LRRC3B: variants seen among roughly 807,000 people sequenced by gnomAD.
LRRC3B encodes leucine rich repeat containing 3B.
Under a neutral mutation model 12.8 loss-of-function variants are expected in LRRC3B, and 2 were observed. The ratio of observed to expected loss-of-function variants is 0.16; its 90% CI spans 0.06 to 0.49. LRRC3B has a LOEUF of 0.49. LRRC3B is among the 20% of genes least tolerant of loss of function. The pLI, the probability that LRRC3B is intolerant of heterozygous loss-of-function variation, is 0.96. For synonymous variants in LRRC3B, 132 were observed against 122.0 expected, an observed-to-expected ratio of 1.08 and a Z score of -0.54; for missense variants, 189 against 319.4, an observed-to-expected ratio of 0.59 and a Z score of 3.11.
intron 1 of LRRC3B, among the ~76,000 whole-genome samples, chr3:26,658,809 G>A (rs1198190076): frequency 6.6e-6 from 1 of 151,502 alleles, no homozygotes; most frequent in Non-Finnish European, 1.5e-5. Context: ...GTCTAAGATT[G>A]CATCTACACT....
intron 1 of LRRC3B, among the ~76,000 whole-genome samples, chr3:26,645,552 C>A (rs1699124636): frequency 1.3e-5 from 2 of 151,272 alleles, no homozygotes; most frequent in African/African-American, 2.4e-5. Context: ...ATATCTATAT[C>A]TATATATATA....
At chr3:26,642,833 A>G (rs1699059510) in intron 1 of LRRC3B, among the ~76,000 whole-genome samples, 2 of 152,122 alleles carry the variant, frequency 1.3e-5, no homozygotes, top group East Asian at 3.9e-4. Context: ...CCTGGCTAAC[A>G]TGGTGAAAGC....
chr3:26,675,169 G>T (rs1231905259), intron 1 of LRRC3B, among the ~76,000 whole-genome samples: 1 of 152,122 alleles, frequency 6.6e-6, no homozygotes, highest in Admixed American at 6.5e-5. Flanking sequence ...TATATAAGCA[G>T]GTAGATACAG....
At chr3:26,650,972 T>C (rs1003544862) in intron 1 of LRRC3B, among the ~76,000 whole-genome samples, 50 of 152,168 alleles carry the variant, frequency 3.3e-4, no homozygotes, top group African/African-American at 1.2e-3. Context: ...AATGAAGAAA[T>C]GCACCTCAAG....
intron 1 of LRRC3B, among the ~76,000 whole-genome samples, chr3:26,661,029 A>T (rs1369880385): frequency 6.6e-6 from 1 of 152,130 alleles, no homozygotes; most frequent in Non-Finnish European, 1.5e-5. Flanking sequence ...GCTTCAAAAA[A>T]TTTTCTTAGA....
chr3:26,685,529 A>C (rs1237627707), intron 1 of LRRC3B, among the ~76,000 whole-genome samples: 6,648 of 38,960 alleles, frequency 0.17, 214 homozygotes, highest in Non-Finnish European at 0.22. Flanking sequence ...CTCTCTATAT[A>C]TATATATATA....
At chr3:26,649,910 C>A (rs1407511567) in intron 1 of LRRC3B, among the ~76,000 whole-genome samples, 1 of 151,998 alleles carries the variant, frequency 6.6e-6, no homozygotes, top group Non-Finnish European at 1.5e-5. Context: ...CGATGTAGCC[C>A]CCACTTGGAA....
chr3:26,686,440 T>G (rs1700091013), intron 1 of LRRC3B, among the ~76,000 whole-genome samples: 1 of 152,218 alleles, frequency 6.6e-6, no homozygotes, highest in Non-Finnish European at 1.5e-5. Flanking sequence ...TGCTTCTTTA[T>G]ATATCTAATT....
At chr3:26,669,829 T>C (rs1400579539) in intron 1 of LRRC3B, among the ~76,000 whole-genome samples, 1 of 152,200 alleles carries the variant, frequency 6.6e-6, no homozygotes, top group Non-Finnish European at 1.5e-5. Context: ...GATTATTTTA[T>C]TTTAGTTTAT....
intron 1 of LRRC3B, among the ~76,000 whole-genome samples, chr3:26,703,204 CTTATT>C (rs750804463): frequency 2.0e-4 from 30 of 152,226 alleles, no homozygotes; most frequent in East Asian, 1.5e-3. Flanking sequence ...GCAACCCACA[CTTATT>C]TTATGGATAA....
chr3:26,630,938 C>T (rs1698744442), intron 1 of LRRC3B, among the ~76,000 whole-genome samples: 1 of 152,130 alleles, frequency 6.6e-6, no homozygotes, highest in Non-Finnish European at 1.5e-5. Context: ...AATACAGCTG[C>T]TTTAGCTCTC....
At chr3:26,646,102 G>T (rs1473962446) in intron 1 of LRRC3B, among the ~76,000 whole-genome samples, 1 of 152,146 alleles carries the variant, frequency 6.6e-6, no homozygotes, top group East Asian at 1.9e-4. Flanking sequence ...CATAATGTAG[G>T]CCACCTCATC....
chr3:26,678,513 A>G (rs77623265), intron 1 of LRRC3B, among the ~76,000 whole-genome samples: 1 of 148,714 alleles, frequency 6.7e-6, no homozygotes, highest in African/African-American at 2.5e-5. Context: ...AAAAAAAAAA[A>G]GTAGTAGGAT....
intron 1 of LRRC3B, among the ~76,000 whole-genome samples, chr3:26,667,093 C>A (rs1165876559): frequency 7.5e-6 from 1 of 133,398 alleles, no homozygotes; most frequent in African/African-American, 3.0e-5. Context: ...TTTTTTAAAC[C>A]ATTATTAGTA....
At chr3:26,660,274 T>A (rs370046673) in intron 1 of LRRC3B, among the ~76,000 whole-genome samples, 2 of 152,206 alleles carry the variant, frequency 1.3e-5, no homozygotes, top group South Asian at 4.1e-4. Flanking sequence ...CAGAAAGGCA[T>A]GGTAGAAGAG....
At chr3:26,689,840 G>C (rs977156134) in intron 1 of LRRC3B, among the ~76,000 whole-genome samples, 4 of 152,310 alleles carry the variant, frequency 2.6e-5, no homozygotes, top group Non-Finnish European at 5.9e-5. Context: ...CAGATGGTCC[G>C]CAGGCCCCCC....
chr3:26,707,267 G>A (rs1350956033), intron 1 of LRRC3B, among the ~76,000 whole-genome samples: 2 of 152,028 alleles, frequency 1.3e-5, no homozygotes, highest in East Asian at 1.9e-4. Context: ...CGGGAGGCTG[G>A]GGTGGGAGAA....
intron 1 of LRRC3B, among the ~76,000 whole-genome samples, chr3:26,696,769 T>C (rs539698494): frequency 6.6e-6 from 1 of 152,334 alleles, no homozygotes; most frequent in South Asian, 2.1e-4. Flanking sequence ...TAACTTTCTA[T>C]GGCTTAGAAA....
chr3:26,708,667 T>A (rs1371164012), intron 1 of LRRC3B, among the ~76,000 whole-genome samples: 1 of 152,242 alleles, frequency 6.6e-6, no homozygotes. Flanking sequence ...TCACTTAATT[T>A]TGCAATTTCT....
Sources: gnomAD v4.1 joint callset for allele counts (sites outside exome capture counted in the v4.1 genomes callset) on GRCh38, gnomAD v4.1.1 for gene constraint, MANE v1.5 for transcripts, NCBI Gene and HGNC (gene_info 2026-07-23, HGNC 2026-07-21) for gene names.